PRKAR1B: variants seen among roughly 807,000 people sequenced by gnomAD.
PRKAR1B encodes protein kinase cAMP-dependent type I regulatory subunit beta.
PRKAR1B carries 22 observed loss-of-function variants against 46.5 expected under a neutral mutation model. The ratio of observed to expected loss-of-function variants is 0.47; its 90% CI spans 0.34 to 0.68. PRKAR1B has a LOEUF of 0.68. PRKAR1B is among the 30% of genes least tolerant of loss of function. The probability of loss-of-function intolerance (pLI) is 0.01; values close to 1 mark genes in which losing one functional copy is unlikely to be tolerated. For synonymous variants in PRKAR1B, 259 were observed against 217.7 expected (o/e 1.19, Z -1.67); for missense variants, 445 against 535.6 (o/e 0.83, Z 1.67).
intron 4 of PRKAR1B, among the ~76,000 whole-genome samples, chr7:627,432 C>T (rs893038757): frequency 3.3e-5 from 5 of 152,194 alleles, no homozygotes; most frequent in Middle Eastern, 3.2e-3. Context: ...ACAGACGGGA[C>T]ACTGAGGCCG....
At chr7:662,363 C>T (rs1785638792) in intron 4 of PRKAR1B, among the ~76,000 whole-genome samples, 1 of 139,764 alleles carries the variant, frequency 7.2e-6, no homozygotes, top group African/African-American at 2.7e-5. Flanking sequence ...GGTCCCCACC[C>T]CAACGGGTCC....
Position 689,111 on chromosome 7 carries a change from A to AC in PRKAR1B, c.178-8386_178-8385insG, listed in dbSNP as rs1779267431. ...TGAGAACACTGGAACAGAACTAAAA[A>AC]GAAAAAAAAATTTTTTTTTTTTGAG... On this transcript the variant is annotated intron_variant, in intron 2 of 10. Transcript: ENST00000537384. Among the ~76,000 whole-genome samples, 3 of 146,642 alleles carry AC rather than the reference A, an allele frequency of 2.0e-5. No homozygotes were observed. The South Asian group carries it at 6.7e-4, about 33-fold the overall frequency.
At chr7:654,009 T>C (rs1177973973) in intron 4 of PRKAR1B, among the ~76,000 whole-genome samples, 1 of 150,802 alleles carries the variant, frequency 6.6e-6, no homozygotes, top group African/African-American at 2.4e-5. Flanking sequence ...TCACCATCTC[T>C]ATCTTCACCA....
At chr7:695,826 G>A (rs931642713) in intron 2 of PRKAR1B, among the ~76,000 whole-genome samples, 3 of 151,828 alleles carry the variant, frequency 2.0e-5, no homozygotes, top group Non-Finnish European at 4.4e-5. Context: ...ACCATGCCCG[G>A]CTAATTTTTT....
At chr7:711,855 G>C (rs370482340) in intron 1 of PRKAR1B, among the ~76,000 whole-genome samples, 1 of 151,520 alleles carries the variant, frequency 6.6e-6, no homozygotes, top group Admixed American at 6.6e-5. Flanking sequence ...GGGGCCCGGC[G>C]CCCTGAGGGT....
chr7:553,603 G>C (rs373971964), intron 9 of PRKAR1B, among the ~76,000 whole-genome samples: 2 of 152,224 alleles, frequency 1.3e-5, no homozygotes, highest in South Asian at 2.1e-4. Context: ...GGCCCTCTGA[G>C]AGCAGCTGCT....
intron 1 of PRKAR1B, chr7:712,562 A>G (rs1340512945): frequency 1.2e-3 from 153 of 125,254 alleles, no homozygotes; most frequent in African/African-American, 4.1e-3. Context: ...TGCACCCCCA[A>G]CGCCGCCCGC....
In PRKAR1B at chr7:554,692, A is replaced by G. The variant is rs35114273; in HGVS notation, c.892-3222T>C. Among the ~76,000 whole-genome samples the G allele has an allele frequency of 7.0e-3, 840 of 120,276 alleles. 12 individuals are homozygous for G. The highest frequency in any genetic ancestry group is 8.8e-3 in the Non-Finnish European group (482 of 54,560). 78.9% of individuals were successfully genotyped at this position (120,276 alleles called of 152,430 possible). A position where few individuals can be genotyped will look rare whatever the true frequency, so the allele number is the denominator to read the frequency against. ...GGGAGGCCACAGATCCCACAGAGCC[A>G]GAAGACAGGGGAGGCCACGGATCCC... On this transcript the variant is annotated intron_variant, in intron 9 of 10. Transcript: ENST00000537384.
intron 9 of PRKAR1B, chr7:564,986 A>G (rs549198820): frequency 1.1e-4 from 17 of 152,326 alleles, no homozygotes; most frequent in East Asian, 3.9e-4. Context: ...AGGTGTTCAC[A>G]TTCACCTGCC....
intron 6 of PRKAR1B, among the ~76,000 whole-genome samples, chr7:605,324 G>T (rs1435659501): frequency 6.6e-6 from 1 of 152,196 alleles, no homozygotes; most frequent in African/African-American, 2.4e-5. Flanking sequence ...CATCAGCTCC[G>T]CACCAGCAAG....
chr7:575,334 G>A (rs1009999376), intron 9 of PRKAR1B, among the ~76,000 whole-genome samples: 1 of 152,254 alleles, frequency 6.6e-6, no homozygotes, highest in African/African-American at 2.4e-5. Context: ...TGGGCCCCAA[G>A]AAGAGCATCC....
intron 1 of PRKAR1B, among the ~76,000 whole-genome samples, chr7:724,054 G>A (rs192388620): frequency 2.6e-4 from 40 of 152,168 alleles, no homozygotes; most frequent in Middle Eastern, 6.8e-3. Flanking sequence ...CCTCAATCAC[G>A]TCTGCAAAGA....
chr7:725,279 AAAG>A (rs1000646260), intron 1 of PRKAR1B, among the ~76,000 whole-genome samples: 1 of 152,200 alleles, frequency 6.6e-6, no homozygotes, highest in Non-Finnish European at 1.5e-5. Context: ...CAACAACAAA[AAAG>A]AAGGTCAAAC....
intron 4 of PRKAR1B, among the ~76,000 whole-genome samples, chr7:616,107 C>A (rs1782810427): frequency 6.6e-6 from 1 of 152,188 alleles, no homozygotes; most frequent in African/African-American, 2.4e-5. Context: ...CCAGCCCTGC[C>A]CGCGGGTGCA....
chr7:640,372 G>T (rs187506033), intron 4 of PRKAR1B, among the ~76,000 whole-genome samples: 4 of 151,782 alleles, frequency 2.6e-5, no homozygotes, highest in African/African-American at 9.7e-5. Flanking sequence ...ATAGACATAC[G>T]ATTCGGACAG....
intron 9 of PRKAR1B, among the ~76,000 whole-genome samples, chr7:557,753 A>AGTGG (rs1778536457): frequency 1.3e-5 from 2 of 152,142 alleles, no homozygotes; most frequent in Admixed American, 6.5e-5. Flanking sequence ...GTCCAACTCC[A>AGTGG]CTTCCCAGAC....
intron 9 of PRKAR1B, among the ~76,000 whole-genome samples, chr7:554,949 C>T (rs1487645064): frequency 2.0e-5 from 3 of 152,312 alleles, no homozygotes; most frequent in African/African-American, 4.8e-5. Context: ...TCTGGGACCT[C>T]GGGGAGGTGC....
At chr7:558,977 C>T (rs1379587226) in intron 9 of PRKAR1B, among the ~76,000 whole-genome samples, 4 of 152,184 alleles carry the variant, frequency 2.6e-5, no homozygotes, top group Non-Finnish European at 5.9e-5. Context: ...GTGCCACAGG[C>T]GTGGACGGCG....
chr7:616,061 G>T (rs1782805495), intron 4 of PRKAR1B, among the ~76,000 whole-genome samples: 1 of 152,074 alleles, frequency 6.6e-6, no homozygotes, highest in African/African-American at 2.4e-5. Context: ...CCCAGGCAGG[G>T]GCTGTGCTCT....
Sources: allele counts gnomAD v4.1 joint callset (sites outside exome capture counted in the v4.1 genomes callset), GRCh38; gene constraint gnomAD v4.1.1; transcripts MANE v1.5; gene names NCBI Gene and HGNC (gene_info 2026-07-23, HGNC 2026-07-21).